SMG1: variants seen among roughly 807,000 people sequenced by gnomAD.
SMG1 encodes the protein serine/threonine-protein kinase SMG1.
Under a neutral mutation model 419.9 loss-of-function variants are expected in SMG1, and 22 were observed. The ratio of observed to expected loss-of-function variants is 0.05; its 90% CI spans 0.04 to 0.07. The LOEUF is 0.07. Among genes scored for constraint, SMG1 ranks in the 10% least tolerant of loss-of-function variants. The probability of loss-of-function intolerance (pLI) is 1.00; values close to 1 mark genes in which losing one functional copy is unlikely to be tolerated. For synonymous variants in SMG1, 1,538 were observed against 1,553.5 expected, an observed-to-expected ratio of 0.99 and a Z score of 0.23; for missense variants, 3,185 against 4,342.0, an observed-to-expected ratio of 0.73 and a Z score of 7.49.
intron 55 of SMG1, among the ~76,000 whole-genome samples, chr16:18,821,217 G>GTTTTTTTTTTTTTTTTTTTTTTTTT (rs2032501770): frequency 6.3e-5 from 2 of 31,736 alleles, no homozygotes; most frequent in African/African-American, 2.1e-4. Context: ...TATTTAGTAT[G>GTTTTTTTTTTTTTTTTTTTTTTTTT]TTTCTTTTTT....
chr16:18,879,862 A>G, intron 10 of SMG1, 143 bp from the exon 11 acceptor site: 2 of 759,068 alleles, frequency 2.6e-6, no homozygotes, highest in Admixed American at 2.2e-5. Context: ...AGTTCTCAGT[A>G]GTTGAATAAT....
intron 4 of SMG1, 76 bp from the exon 5 acceptor site, chr16:18,890,997 G>C: frequency 1.3e-6 from 1 of 785,498 alleles, no homozygotes; most frequent in Non-Finnish European, 2.2e-6. Context: ...TTTTTTACTT[G>C]TCTTCCCCTC....
intron 56 of SMG1, among the ~76,000 whole-genome samples, chr16:18,817,998 C>T (rs1408384792): frequency 6.6e-6 from 1 of 151,452 alleles, no homozygotes; most frequent in Non-Finnish European, 1.5e-5. Context: ...AACTCCTGGG[C>T]TCAAGCAATC....
At chr16:18,874,578 AAAGC>A (rs1159400018) in intron 13 of SMG1, among the ~76,000 whole-genome samples, 3 of 150,108 alleles carry the variant, frequency 2.0e-5, no homozygotes, top group Non-Finnish European at 3.0e-5. Flanking sequence ...AAAAAAAAAA[AAAGC>A]AGGCTGGGCG....
chr16:18,847,665 T>C, intron 37 of SMG1, 58 bp from the exon 38 acceptor site: 7 of 1,605,904 alleles, frequency 4.4e-6, no homozygotes, highest in Non-Finnish European at 6.0e-6. Flanking sequence ...GCACAGCTCT[T>C]CAAACACTGG....
chr16:18,910,533 T>G (rs937395492), intron 1 of SMG1, among the ~76,000 whole-genome samples: 2 of 151,694 alleles, frequency 1.3e-5, no homozygotes, highest in Non-Finnish European at 2.9e-5. Context: ...CCCAGCCAAT[T>G]TTTTTATTTT....
intron 59 of SMG1, 75 bp from the exon 60 acceptor site, chr16:18,815,356 G>GA: frequency 6.4e-7 from 1 of 1,562,864 alleles, no homozygotes; most frequent in African/African-American, 1.4e-5. Context: ...GAACAAAACT[G>GA]AAAAATTAAA....
At chr16:18,845,354 CCA>C in intron 39 of SMG1, 73 bp downstream of exon 39, 1 of 1,247,624 alleles carries the variant, frequency 8.0e-7, no homozygotes, top group Non-Finnish European at 1.1e-6. Flanking sequence ...AGTAAGAAGT[CCA>C]CTTATTGAAA....
intron 15 of SMG1, 92 bp from the exon 16 acceptor site, chr16:18,871,574 T>C (rs1004110746): frequency 3.9e-6 from 2 of 510,050 alleles, no homozygotes; most frequent in Non-Finnish European, 6.9e-6. Flanking sequence ...GGTCTTCTCT[T>C]GGTTTTTCAA....
At chr16:18,810,911 G>GA (rs1172900731) in intron 62 of SMG1, among the ~76,000 whole-genome samples, 1 of 152,148 alleles carries the variant, frequency 6.6e-6, no homozygotes, top group Non-Finnish European at 1.5e-5. Flanking sequence ...ACAGAACAAT[G>GA]AAACATGGGA....
intron 51 of SMG1, among the ~76,000 whole-genome samples, chr16:18,831,942 C>T (rs1267116530): frequency 6.6e-6 from 1 of 151,670 alleles, no homozygotes; most frequent in Admixed American, 6.6e-5. Flanking sequence ...GAAATAATGG[C>T]ACCACAGTCA....
At chr16:18,889,113 C>T (rs1256917910) in intron 6 of SMG1, among the ~76,000 whole-genome samples, 3 of 152,158 alleles carry the variant, frequency 2.0e-5, no homozygotes, top group East Asian at 1.9e-4. Context: ...CGTGAGCCAC[C>T]GCACCTGGCG....
At position 18,816,279 on chromosome 16, in the gene SMG1, T is replaced by C. The variant is rs370646924; in HGVS notation, c.10302+23A>G. ...TTTTATAACAGAGGGAGAGTAAATG[T>C]GTGTTCATGGTATTAGTCTTACCTT... On this transcript the variant is annotated intron_variant, in intron 58 of 62. Coordinates refer to ENST00000446231, the MANE Select transcript of SMG1 (RefSeq NM_015092.5). The C allele has an allele frequency of 8.2e-5, 128 of 1,559,766 alleles. No homozygotes were observed. In the African/African-American group the frequency reaches 1.3e-3, roughly 16 times the overall value.
chr16:18,889,409 G>C lies in SMG1; in HGVS notation c.785C>G (p.Thr262Ser). Residue 262 changes from threonine (T) to serine (S), a missense_variant, in exon 6 of 63, where the codon ACT (threonine) becomes AGT (serine). Thr to Ser is a moderately conservative substitution (Grantham distance 58, BLOSUM62 1). Around this residue, in one of 27 missense-constraint regions of SMG1, gnomAD observed 53 missense variants for 56.3 expected, o/e 0.94. Coordinates refer to ENST00000446231, the MANE Select transcript of SMG1 (RefSeq NM_015092.5). Reference protein sequence around the residue: ...YLCATYKALETVGEKKAFSSV... With the variant: ...YLCATYKALESVGEKKAFSSV... ...TGAAAAGGCTTTCTTTTCTCCTACA[G>C]TCTCTAGTGCTTTGTAGGTGGCACA... 1 of 594,530 alleles carries C rather than the reference G, an allele frequency of 1.7e-6. No homozygotes were observed. Among genetic ancestry groups the C allele is most frequent in the South Asian group, 2.0e-5 (1 of 50,210 alleles). The allele number at this position is 594,530 out of a possible 1,614,324, so 36.8% of individuals were successfully genotyped here. A position where few individuals can be genotyped will look rare whatever the true frequency, so the allele number is the denominator to read the frequency against.
At chr16:18,892,725 C>T (rs1256618922) in intron 3 of SMG1, among the ~76,000 whole-genome samples, 1 of 151,970 alleles carries the variant, frequency 6.6e-6, no homozygotes, top group Non-Finnish European at 1.5e-5. Context: ...AGAGCAAGAC[C>T]CTCTCTCAAA....
intron 23 of SMG1, among the ~76,000 whole-genome samples, chr16:18,865,363 G>C (rs779730081): frequency 4.6e-4 from 70 of 151,976 alleles, no homozygotes; most frequent in Non-Finnish European, 7.6e-4. Flanking sequence ...GAAGGGAAGG[G>C]GGTACTCTAT....
intron 55 of SMG1, 43 bp downstream of exon 55, chr16:18,827,988 C>T (rs761641608): frequency 7.6e-5 from 120 of 1,582,254 alleles, no homozygotes; most frequent in Non-Finnish European, 9.9e-5. Context: ...TTGGTTATTT[C>T]TAAAAAGAAA....
chr16:18,837,984 A>T, intron 45 of SMG1, 30 bp downstream of exon 45: 1 of 1,602,978 alleles, frequency 6.2e-7, no homozygotes, highest in East Asian at 2.2e-5. Context: ...TAAAAAGAAG[A>T]CAATGACTTA....
At chr16:18,856,929 A>G (rs1373368226) in intron 29 of SMG1, 1 of 151,938 alleles carries the variant, frequency 6.6e-6, no homozygotes, top group African/African-American at 2.4e-5. Context: ...ATATTATATG[A>G]CACGCTCTGT....
Sources: allele counts gnomAD v4.1 joint callset (sites outside exome capture counted in the v4.1 genomes callset), GRCh38; gene constraint gnomAD v4.1.1; regional missense constraint gnomAD v4.1.1; transcripts MANE v1.5; gene names NCBI Gene and HGNC (gene_info 2026-07-23, HGNC 2026-07-21).